The following KDM4C variants were observed in gnomAD, a reference collection of about 807,000 sequenced individuals.
KDM4C encodes the protein lysine demethylase 4C.
In KDM4C, 81 loss-of-function variants were observed where a neutral mutation model predicts 129.3. That is an observed-to-expected ratio of 0.63 (90% CI 0.52 to 0.75). The LOEUF is 0.75. Ranked by LOEUF, KDM4C falls within the 30% of genes least tolerant of loss-of-function variation. The pLI is 0.00. For synonymous variants in KDM4C, 573 were observed against 456.1 expected, an observed-to-expected ratio of 1.26 and a Z score of -3.26; for missense variants, 1,457 against 1,304.0, an observed-to-expected ratio of 1.12 and a Z score of -1.81.
intron 4 of KDM4C, among the ~76,000 whole-genome samples, chr9:6,841,091 G>A (rs911061832): frequency 3.3e-5 from 5 of 152,140 alleles, no homozygotes; most frequent in Admixed American, 2.0e-4. Context: ...ATCTTTAACA[G>A]GTTCTTTCAG....
chr9:6,914,853 G>A (rs930410124), intron 8 of KDM4C, among the ~76,000 whole-genome samples: 2 of 152,206 alleles, frequency 1.3e-5, no homozygotes, highest in Admixed American at 1.3e-4. Flanking sequence ...TGGCACCTTG[G>A]TCTTGGACTT....
chr9:7,131,365 T>C (rs531874562), intron 19 of KDM4C, among the ~76,000 whole-genome samples: 89 of 152,218 alleles, frequency 5.8e-4, no homozygotes, highest in African/African-American at 2.0e-3. Flanking sequence ...TAGGGGAAGT[T>C]TTTTTCCCCT....
In KDM4C at chr9:6,966,572, G is replaced by C. The variant is rs551723964; in HGVS notation, c.922-14353G>C. ...CAAATAAGTAAAAATATCTCTGTTT[G>C]TAGATATGATTGTTTATGAAGAATA... On this transcript the variant is annotated intron_variant, in intron 8 of 21. Transcript: ENST00000381309. Among the ~76,000 whole-genome samples, 145 of 152,318 alleles carry C rather than the reference G, an allele frequency of 9.5e-4. 1 individual carries two copies. Among genetic ancestry groups the C allele is most frequent in the African/African-American group, 3.4e-3 (141 of 41,562 alleles).
At chr9:7,011,935 A>G (rs1169779505) in intron 13 of KDM4C, 56 bp downstream of exon 13, 21 of 1,403,946 alleles carry the variant, frequency 1.5e-5, no homozygotes, top group Non-Finnish European at 2.0e-5. Context: ...ATGTGACCAC[A>G]TACCACAAGA....
chr9:6,775,174 A>G (rs187787161), intron 1 of KDM4C, among the ~76,000 whole-genome samples: 5 of 151,854 alleles, frequency 3.3e-5, no homozygotes, highest in African/African-American at 9.7e-5. Flanking sequence ...ATGCCACTAT[A>G]CCCAGCGAAT....
At chr9:6,929,596 C>G (rs957227107) in intron 8 of KDM4C, among the ~76,000 whole-genome samples, 1 of 151,448 alleles carries the variant, frequency 6.6e-6, no homozygotes, top group African/African-American at 2.4e-5. Context: ...TCCCCAGTCA[C>G]TGGTCTGTCC....
intron 8 of KDM4C, among the ~76,000 whole-genome samples, chr9:6,945,099 A>G (rs981775132): frequency 6.6e-6 from 1 of 152,096 alleles, no homozygotes; most frequent in Non-Finnish European, 1.5e-5. Context: ...AGCCACAGAC[A>G]TACCTTCCAC....
At chr9:6,736,383 T>C (rs1204015105) in intron 1 of KDM4C, among the ~76,000 whole-genome samples, 1 of 152,110 alleles carries the variant, frequency 6.6e-6, no homozygotes, top group Non-Finnish European at 1.5e-5. Context: ...GCCCCTCCCA[T>C]CACAGGTCCA....
Position 7,063,199 on chromosome 9 carries a change from C to T in KDM4C, c.2424+13999C>T, listed in dbSNP as rs532003532. On this transcript the variant is annotated intron_variant, in intron 17 of 21. Transcript: ENST00000381309. ...AGATAGTTTTGGGGACCAAAGTAGA[C>T]AAAAAAATTCTAATTGCTTTCAGTT... 4.6e-5 allele frequency among the ~76,000 whole-genome samples: 7 copies of T among 152,070 alleles called. No individual in the cohort carries two copies. The East Asian group carries it at 1.3e-3, about 29-fold the overall frequency.
At chr9:7,173,805 A>G (rs932173427) in intron 21 of KDM4C, among the ~76,000 whole-genome samples, 1 of 152,208 alleles carries the variant, frequency 6.6e-6, no homozygotes, top group African/African-American at 2.4e-5. Context: ...AGGGCCTCTG[A>G]GACAGGGACT....
At chr9:6,835,111 C>T (rs1835642353) in intron 4 of KDM4C, 2 of 1,008,612 alleles carry the variant, frequency 2.0e-6, no homozygotes, top group Non-Finnish European at 3.2e-6. Flanking sequence ...CTATGTTGCT[C>T]TGGCCTTCGA....
intron 3 of KDM4C, among the ~76,000 whole-genome samples, chr9:6,806,498 A>AAAATAAAT (rs3072002): frequency 0.024 from 3,496 of 146,770 alleles, 51 homozygotes; most frequent in Non-Finnish European, 0.029. Flanking sequence ...CCGTCTCGAA[A>AAAATAAAT]AAATAAATAA....
chr9:6,938,674 T>A (rs1309937344), intron 8 of KDM4C, among the ~76,000 whole-genome samples: 4 of 152,200 alleles, frequency 2.6e-5, no homozygotes, highest in Middle Eastern at 3.2e-3. Flanking sequence ...GCAGAGCCTT[T>A]TGAAGAGTTG....
At chr9:6,745,495 G>T (rs1430237149) in intron 1 of KDM4C, among the ~76,000 whole-genome samples, 3 of 151,064 alleles carry the variant, frequency 2.0e-5, no homozygotes, top group Non-Finnish European at 4.4e-5. Flanking sequence ...TACTTGGGAG[G>T]CTGAGGCTGG....
intron 15 of KDM4C, among the ~76,000 whole-genome samples, chr9:7,021,728 C>T (rs574041934): frequency 6.6e-6 from 1 of 152,212 alleles, no homozygotes; most frequent in South Asian, 2.1e-4. Flanking sequence ...GAAATTTTTG[C>T]CCAGACCAGT....
chr9:7,070,561 T>C (rs1833054679), intron 17 of KDM4C, among the ~76,000 whole-genome samples: 2 of 152,166 alleles, frequency 1.3e-5, no homozygotes, highest in South Asian at 4.1e-4. Context: ...TATTTAACTT[T>C]TTAAAATCAA....
intron 4 of KDM4C, among the ~76,000 whole-genome samples, chr9:6,844,138 C>T (rs1469979894): frequency 6.6e-6 from 1 of 152,072 alleles, no homozygotes; most frequent in Non-Finnish European, 1.5e-5. Context: ...TTTTTACGTA[C>T]TTTTAAAAAA....
At chr9:6,955,415 G>A (rs1341549230) in intron 8 of KDM4C, among the ~76,000 whole-genome samples, 1 of 152,184 alleles carries the variant, frequency 6.6e-6, no homozygotes, top group Non-Finnish European at 1.5e-5. Context: ...TTTTCATGCA[G>A]TGCAGTGGAC....
intron 16 of KDM4C, among the ~76,000 whole-genome samples, 173 bp downstream of exon 16, chr9:7,047,090 C>G (rs1022115167): frequency 2.6e-5 from 4 of 152,034 alleles, no homozygotes; most frequent in Admixed American, 6.6e-5. Flanking sequence ...GCACTCTCAT[C>G]TCGGCAGGGC....
Sources: allele counts gnomAD v4.1 joint callset (sites outside exome capture counted in the v4.1 genomes callset), GRCh38; gene constraint gnomAD v4.1.1; transcripts MANE v1.5; gene names NCBI Gene and HGNC (gene_info 2026-07-23, HGNC 2026-07-21).